Variants in OLFML2A observed in about 807,000 individuals in gnomAD.
OLFML2A encodes the protein olfactomedin-like protein 2A.
A neutral mutation model predicts 60.9 loss-of-function variants in OLFML2A; 47 were observed. The observed-to-expected ratio is 0.77, with a 90% CI of 0.61 to 0.98. The LOEUF is 0.98. Among genes scored for constraint, OLFML2A ranks in the 50% least tolerant of loss-of-function variants. OLFML2A has a pLI of 0.00. For missense variants in OLFML2A, 922 were observed against 879.8 expected, an observed-to-expected ratio of 1.05 and a Z score of -0.61; for synonymous variants, 372 against 375.0, an observed-to-expected ratio of 0.99 and a Z score of 0.09.
At position 124,779,270 on chromosome 9, in the gene OLFML2A, C is replaced by T. The variant is rs1029822278; in HGVS notation, c.90+1910C>T. ...GTTTCTTCATCTAAGAAACATCTCC[C>T]CAACCTTCCTTCCATATGGGGCCCT... On this transcript the variant is annotated intron_variant, in intron 1 of 7. Transcript: ENST00000373580. This position sits in a 1 kb window ranked among gnomAD's most constrained non-coding sequence, Gnocchi z 4.1. 7.9e-5 allele frequency among the ~76,000 whole-genome samples: 12 copies of T among 152,204 alleles called. No individual in the cohort carries two copies. Among genetic ancestry groups the T allele is most frequent in the African/African-American group, 2.9e-4 (12 of 41,448 alleles).
intron 2 of OLFML2A, among the ~76,000 whole-genome samples, chr9:124,793,209 C>G (rs1378196949): frequency 1.3e-5 from 2 of 152,226 alleles, no homozygotes. Context: ...AACTGCCCTT[C>G]CCAAGAAGCC....
In OLFML2A at chr9:124,784,797, A is replaced by G. The variant is rs115641331; in HGVS notation, c.91-2178A>G. On this transcript the variant is annotated intron_variant, in intron 1 of 7. Transcript: ENST00000373580. The stretch of plus-strand genomic sequence containing the variant: ...AGCCACTAATCTGTTTGCTGTCTCT[A>G]TGGACGTGCCTCTCCTGGATACAGC... 4.9e-3 allele frequency among the ~76,000 whole-genome samples: 751 copies of G among 152,186 alleles called. 3 individuals carry two copies. Among genetic ancestry groups the G allele is most frequent in the Middle Eastern group, 0.024 (7 of 294 alleles).
Position 124,810,528 on chromosome 9 carries a change from T to C in OLFML2A, c.*116T>C, listed in dbSNP as rs1487606292. On this transcript the variant is annotated 3_prime_UTR_variant, in exon 8 of 8. Coordinates refer to ENST00000373580, the MANE Select transcript of OLFML2A (RefSeq NM_182487.4). Reference sequence around the variant, plus strand: ...TTGGGGGCCAGCCCAGGGCTGGGACTGGGCATGAGGTGGTCACCAGGATTG... The same window carrying C: ...TTGGGGGCCAGCCCAGGGCTGGGACCGGGCATGAGGTGGTCACCAGGATTG... 1.9e-5 allele frequency: 21 copies of C among 1,102,086 alleles called. No homozygotes were observed. The highest frequency in any genetic ancestry group is 2.7e-5 in the Non-Finnish European group (21 of 790,984). 68.3% of individuals were successfully genotyped at this position (1,102,086 alleles called of 1,614,324 possible). A position where few individuals can be genotyped will look rare whatever the true frequency, so the allele number is the denominator to read the frequency against.
At chr9:124,799,150 C>G in intron 3 of OLFML2A, 135 bp from the exon 4 acceptor site, 1 of 617,724 alleles carries the variant, frequency 1.6e-6, no homozygotes, top group Non-Finnish European at 2.9e-6. Flanking sequence ...CCTGCTCATG[C>G]TCACTGCGGC....
At position 124,787,081 on chromosome 9, in the gene OLFML2A, G is replaced by A. The variant is rs762718623; in HGVS notation, c.197G>A (p.Ser66Asn). Residue 66 changes from serine to asparagine, a missense_variant, in exon 2 of 8, where the codon AGT (serine) becomes AAT (asparagine). Physicochemically the swap from Ser to Asn is conservative, Grantham distance 46 (BLOSUM62 1). Coordinates refer to ENST00000373580, the MANE Select transcript of OLFML2A (RefSeq NM_182487.4). ...LSKDACSRVR[S>N]GRARVEDFYT... The stretch of plus-strand genomic sequence containing the variant: ...AAGGACGCGTGTAGCCGAGTGCGCA[G>A]TGGGCGGGCACGCGTGGAGGACTTC... 7.4e-6 allele frequency: 12 copies of A among 1,614,056 alleles called. No homozygotes were observed. The highest frequency in any genetic ancestry group is 1.3e-5 in the African/African-American group (1 of 74,946).
At chr9:124,804,575 T>G (rs760445235) in intron 6 of OLFML2A, among the ~76,000 whole-genome samples, 5 of 151,856 alleles carry the variant, frequency 3.3e-5, no homozygotes, top group Admixed American at 1.3e-4. Flanking sequence ...AATAAAAAAA[T>G]TAGCCAGGCG....
chr9:124,780,297 A>T (rs1260498128), intron 1 of OLFML2A, among the ~76,000 whole-genome samples: 2 of 152,120 alleles, frequency 1.3e-5, no homozygotes, highest in Non-Finnish European at 2.9e-5. Flanking sequence ...TTCCATCTCT[A>T]CCTCAGTTTC....
chr9:124,798,855 T>C (rs917645319), intron 3 of OLFML2A, among the ~76,000 whole-genome samples: 1 of 152,140 alleles, frequency 6.6e-6, no homozygotes, highest in African/African-American at 2.4e-5. Context: ...TATGCAGATA[T>C]GCATCAGTTC....
At chr9:124,778,384 AT>A (rs201228914) in intron 1 of OLFML2A, among the ~76,000 whole-genome samples, 2 of 150,828 alleles carry the variant, frequency 1.3e-5, no homozygotes, top group East Asian at 2.0e-4. Context: ...AAAAAAAAAA[AT>A]ACTTAGCACC....
At chr9:124,784,918 A>T (rs1239281452) in intron 1 of OLFML2A, among the ~76,000 whole-genome samples, 1 of 144,962 alleles carries the variant, frequency 6.9e-6, no homozygotes, top group African/African-American at 2.7e-5. Flanking sequence ...TTGTAGCATG[A>T]ATCAGTACTG....
At chr9:124,778,839 G>T in intron 1 of OLFML2A, 1 of 277,468 alleles carries the variant, frequency 3.6e-6, no homozygotes, top group Non-Finnish European at 5.5e-6. Context: ...GACAGACCTT[G>T]GGGAGAGTGA....
intron 6 of OLFML2A, among the ~76,000 whole-genome samples, chr9:124,806,625 A>T (rs1349246576): frequency 6.6e-6 from 1 of 150,924 alleles, no homozygotes; most frequent in Non-Finnish European, 1.5e-5. Flanking sequence ...TTTTTATTTT[A>T]TTTTTATTTT....
chr9:124,809,818 T>G lies in OLFML2A; in HGVS notation c.1365T>G (p.Ser455Arg). The change falls in exon 8 of 8, where the codon AGT (serine) becomes AGG (arginine). Residue 455 changes from serine to arginine, a missense_variant. Physicochemically the swap from Ser to Arg is moderately radical, Grantham distance 110. Transcript: ENST00000373580. ...NLENFKQGRW[S>R]NMYKLPYNWI... ...CGCCCTCGCCTGCAGGCCGCTGGAG[T>G]AACATGTACAAGCTACCCTACAACT... The G allele has an allele frequency of 6.2e-7, 1 of 1,600,890 alleles. No individual in the cohort carries two copies. Among genetic ancestry groups the G allele is most frequent in the Non-Finnish European group, 8.5e-7 (1 of 1,171,248 alleles).
At chr9:124,791,855 A>G (rs968756444) in intron 2 of OLFML2A, among the ~76,000 whole-genome samples, 1 of 152,210 alleles carries the variant, frequency 6.6e-6, no homozygotes, top group African/African-American at 2.4e-5. Flanking sequence ...AGTGGCTACA[A>G]AAGTTCCTAA....
In OLFML2A at chr9:124,779,828, CA is replaced by C. The variant is rs1168050847; in HGVS notation, c.90+2470del. The stretch of plus-strand genomic sequence containing the variant: ...CCCATCACAACCCCGCCTTCCTCTC[CA>C]AGCCCATTCCGTTTTCCCTGGGGTG... On this transcript the variant is annotated intron_variant, in intron 1 of 7. Transcript: ENST00000373580. This position sits in a 1 kb window ranked among gnomAD's most constrained non-coding sequence, Gnocchi z 4.1. 1.3e-5 allele frequency among the ~76,000 whole-genome samples: 2 copies of C among 152,244 alleles called. No homozygotes were observed. Among genetic ancestry groups the C allele is most frequent in the Non-Finnish European group, 2.9e-5 (2 of 68,048 alleles).
chr9:124,786,452 G>A (rs1841471415), intron 1 of OLFML2A, among the ~76,000 whole-genome samples: 1 of 151,712 alleles, frequency 6.6e-6, no homozygotes, highest in African/African-American at 2.4e-5. Flanking sequence ...CGGGCGCGGT[G>A]GCTCACACCT....
At chr9:124,802,649 C>T (rs182003876) in intron 5 of OLFML2A, among the ~76,000 whole-genome samples, 9 of 152,370 alleles carry the variant, frequency 5.9e-5, no homozygotes, top group East Asian at 1.9e-4. Flanking sequence ...TGGGAACAGG[C>T]ACCCTGCCCT....
intron 2 of OLFML2A, among the ~76,000 whole-genome samples, chr9:124,794,703 C>A (rs1032449878): frequency 6.6e-6 from 1 of 152,114 alleles, no homozygotes; most frequent in African/African-American, 2.4e-5. Flanking sequence ...CTCACTGCAA[C>A]CCCCACCTTC....
At chr9:124,791,408 T>G (rs1257684244) in intron 2 of OLFML2A, among the ~76,000 whole-genome samples, 1 of 152,194 alleles carries the variant, frequency 6.6e-6, no homozygotes, top group Non-Finnish European at 1.5e-5. Context: ...ACCAATAGTT[T>G]TGTAAAATGC....
Sources: allele counts gnomAD v4.1 joint callset (sites outside exome capture counted in the v4.1 genomes callset), GRCh38; gene constraint gnomAD v4.1.1; non-coding constraint Gnocchi (gnomAD v3.1); transcripts MANE v1.5; gene names NCBI Gene and HGNC (gene_info 2026-07-23, HGNC 2026-07-21).